Variants in LARP1 observed in about 807,000 individuals in gnomAD.
LARP1 encodes la-related protein 1.
In LARP1, 36 loss-of-function variants were observed where a neutral mutation model predicts 122.7. The observed-to-expected ratio is 0.29, with a 90% CI of 0.22 to 0.39. LARP1 has a LOEUF of 0.39. Ranked by LOEUF, LARP1 falls within the 10% of genes least tolerant of loss-of-function variation. LARP1 has a pLI of 1.00. For synonymous variants in LARP1, 539 were observed against 528.7 expected, an observed-to-expected ratio of 1.02 and a Z score of -0.27; for missense variants, 1,040 against 1,403.6, an observed-to-expected ratio of 0.74 and a Z score of 4.14.
chr5:154,763,843 C>CA (rs57607523), intron 1 of LARP1, among the ~76,000 whole-genome samples: 7,090 of 140,698 alleles, frequency 0.05, 265 homozygotes, highest in African/African-American at 0.12. Flanking sequence ...CCATCTCTTA[C>CA]AAAAAAAAAA....
chr5:154,797,800 T>C (rs1055010623), intron 8 of LARP1, among the ~76,000 whole-genome samples: 4 of 152,128 alleles, frequency 2.6e-5, no homozygotes, highest in Non-Finnish European at 4.4e-5. Context: ...GCAATCCTCT[T>C]GCCTCAGCCT....
intron 1 of LARP1, among the ~76,000 whole-genome samples, chr5:154,745,805 T>G (rs536061616): frequency 5.9e-5 from 9 of 152,044 alleles, no homozygotes; most frequent in Non-Finnish European, 1.2e-4. Flanking sequence ...TTTTTTTTTT[T>G]TTTTTTCTTG....
chr5:154,812,602 C>T (rs902049422), intron 18 of LARP1, among the ~76,000 whole-genome samples: 18 of 148,456 alleles, frequency 1.2e-4, no homozygotes, highest in African/African-American at 4.2e-4. Context: ...TCACTGCAAC[C>T]TCCGCCTCCC....
intron 18 of LARP1, 105 bp downstream of exon 18, chr5:154,811,745 C>T: frequency 1.5e-6 from 2 of 1,350,516 alleles, no homozygotes; most frequent in Middle Eastern, 1.9e-4. Flanking sequence ...CCCAGGAACC[C>T]CTCTCCCTGC....
At chr5:154,742,620 T>C (rs1172122801) in intron 1 of LARP1, among the ~76,000 whole-genome samples, 1 of 151,388 alleles carries the variant, frequency 6.6e-6, no homozygotes, top group East Asian at 1.9e-4. Flanking sequence ...GTTCCAGCTA[T>C]TCGGGAGTCT....
intron 1 of LARP1, among the ~76,000 whole-genome samples, chr5:154,691,151 A>C (rs1754181686): frequency 6.6e-6 from 1 of 151,040 alleles, no homozygotes; most frequent in South Asian, 2.1e-4. Context: ...AGTCCCAGCT[A>C]CTCGGGAGGC....
At chr5:154,768,455 T>C (rs769479595) in intron 1 of LARP1, among the ~76,000 whole-genome samples, 2 of 152,366 alleles carry the variant, frequency 1.3e-5, no homozygotes, top group East Asian at 1.9e-4. Flanking sequence ...AAAAACACTT[T>C]AATCATCTGT....
At chr5:154,762,980 C>G (rs17116414) in intron 1 of LARP1, among the ~76,000 whole-genome samples, 25,379 of 151,272 alleles carry the variant, frequency 0.17, 2,789 homozygotes, top group African/African-American at 0.31. Context: ...AGTAATAGTA[C>G]TGGAATAGTC....
chr5:154,772,043 C>T (rs923328508), intron 1 of LARP1, among the ~76,000 whole-genome samples: 4 of 152,192 alleles, frequency 2.6e-5, no homozygotes, highest in Admixed American at 2.6e-4. Flanking sequence ...GAAAAACAAC[C>T]CCTTGGTAAT....
intron 1 of LARP1, among the ~76,000 whole-genome samples, chr5:154,746,659 T>G (rs1753212428): frequency 6.6e-6 from 1 of 152,140 alleles, no homozygotes; most frequent in African/African-American, 2.4e-5. Context: ...ATGTCTATCC[T>G]CTCTCCATGA....
At chr5:154,713,177 G>A (rs1339369252) in intron 1 of LARP1, 3 of 1,521,834 alleles carry the variant, frequency 2.0e-6, no homozygotes, top group Non-Finnish European at 2.7e-6. Flanking sequence ...ACAGCAGGGT[G>A]TGGTAGGAAG....
At chr5:154,746,425 T>C (rs1225591602) in intron 1 of LARP1, among the ~76,000 whole-genome samples, 1 of 152,216 alleles carries the variant, frequency 6.6e-6, no homozygotes, top group East Asian at 1.9e-4. Flanking sequence ...TTTGGATGTT[T>C]CTTGACCATG....
intron 1 of LARP1, among the ~76,000 whole-genome samples, chr5:154,774,061 T>TG (rs1368697579): frequency 1.6e-4 from 24 of 151,962 alleles, no homozygotes; most frequent in African/African-American, 5.1e-4. Context: ...TTTTTTTTTT[T>TG]TTTGTTTCTC....
intron 1 of LARP1, among the ~76,000 whole-genome samples, chr5:154,703,258 G>T (rs1754805905): frequency 6.6e-6 from 1 of 152,048 alleles, no homozygotes; most frequent in Non-Finnish European, 1.5e-5. Flanking sequence ...GCTGCGCTGG[G>T]CGTTAGCAAA....
intron 1 of LARP1, among the ~76,000 whole-genome samples, chr5:154,749,389 C>T (rs990236274): frequency 1.3e-5 from 2 of 152,260 alleles, no homozygotes; most frequent in East Asian, 3.9e-4. Flanking sequence ...CACTGCAAAC[C>T]GTCCTCCTCC....
At chr5:154,708,721 C>T (rs1755067146), upstream of LARP1, among the ~76,000 whole-genome samples, 1 of 152,142 alleles carries the variant, frequency 6.6e-6, no homozygotes, top group Non-Finnish European at 1.5e-5. Context: ...AAGCGATTCT[C>T]CTGCCTCAGC....
rs1485689125 is a variant in LARP1 at position 154,803,179 on chromosome 5, T to C, written c.2110-111T>C. 6.5e-6 allele frequency: 9 copies of C among 1,391,656 alleles called. No individual in the cohort carries two copies. Among genetic ancestry groups the C allele is most frequent in the Non-Finnish European group, 7.0e-6 (7 of 994,754 alleles). 86.2% of individuals were successfully genotyped at this position (1,391,656 alleles called of 1,614,324 possible). On this transcript the variant is annotated intron_variant, in intron 11 of 18. Coordinates refer to ENST00000518297, the MANE Select transcript of LARP1 (RefSeq NM_033551.3). This position sits in a 1 kb window ranked among gnomAD's most constrained non-coding sequence, Gnocchi z 4.4. ...AGCCTGGGGACCAGAATTCCACGTATGTCGACGTGGGAGCTGCCCTCTCCA... is the reference window on the plus strand; with the variant it reads ...AGCCTGGGGACCAGAATTCCACGTACGTCGACGTGGGAGCTGCCCTCTCCA...
chr5:154,747,581 C>A (rs1303954350), intron 1 of LARP1, among the ~76,000 whole-genome samples: 3 of 152,120 alleles, frequency 2.0e-5, no homozygotes, highest in African/African-American at 7.2e-5. Context: ...TGGCGGGCAC[C>A]TGTAATTTGG....
chr5:154,715,435 T>C (rs917555240), intron 1 of LARP1, among the ~76,000 whole-genome samples: 1 of 151,890 alleles, frequency 6.6e-6, no homozygotes, highest in Non-Finnish European at 1.5e-5. Flanking sequence ...CAGCTCATTT[T>C]GTATTTTTAG....
Sources: allele counts gnomAD v4.1 joint callset (sites outside exome capture counted in the v4.1 genomes callset), GRCh38; gene constraint gnomAD v4.1.1; non-coding constraint Gnocchi (gnomAD v3.1); transcripts MANE v1.5; gene names NCBI Gene and HGNC (gene_info 2026-07-23, HGNC 2026-07-21).